Variants in MAMLD1 observed in about 807,000 individuals in gnomAD.
MAMLD1 encodes the protein mastermind-like domain-containing protein 1.
A neutral mutation model predicts 45.0 loss-of-function variants in MAMLD1; 14 were observed. The observed-to-expected ratio is 0.31, with a 90% CI of 0.21 to 0.49. MAMLD1 has a LOEUF of 0.49. MAMLD1 is among the 20% of genes least tolerant of loss of function. The pLI, the probability that MAMLD1 is intolerant of heterozygous loss-of-function variation, is 0.99. For missense variants in MAMLD1, 543 were observed against 603.6 expected, an observed-to-expected ratio of 0.90 and a Z score of 1.05; for synonymous variants, 254 against 247.8, an observed-to-expected ratio of 1.02 and a Z score of -0.24.
chrX:150,399,704 T>C (rs1280810737), intron 1 of MAMLD1, among the ~76,000 whole-genome samples: 1 of 111,080 alleles, frequency 9.0e-6, no homozygotes, highest in African/African-American at 3.3e-5. Flanking sequence ...GAGAGGGCAA[T>C]GGGGCATGGA....
chrX:150,510,093 A>G, intron 7 of MAMLD1, 47 bp downstream of exon 7: 1 of 876,971 alleles, frequency 1.1e-6, no homozygotes, highest in East Asian at 3.1e-5. Context: ...CAAGGGGTGC[A>G]TATGTGGAAG....
intron 3 of MAMLD1, among the ~76,000 whole-genome samples, chrX:150,467,660 T>G (rs1322495438): frequency 8.9e-6 from 1 of 112,582 alleles, no homozygotes; most frequent in African/African-American, 3.2e-5. Flanking sequence ...GCCCCTTCTG[T>G]GGGGGCGATG....
At chrX:150,455,345 G>C (rs782709095) in intron 2 of MAMLD1, among the ~76,000 whole-genome samples, 3 of 111,927 alleles carry the variant, frequency 2.7e-5, no homozygotes, top group Non-Finnish European at 5.6e-5. Flanking sequence ...GTTTACAAAA[G>C]TTAGCCTTTC....
At chrX:150,368,059 C>A (rs1299538295) in intron 1 of MAMLD1, among the ~76,000 whole-genome samples, 2 of 111,426 alleles carry the variant, frequency 1.8e-5, no homozygotes, top group Non-Finnish European at 3.8e-5. Flanking sequence ...ATTTATAATC[C>A]TTTGGGTATA....
At chrX:150,437,170 G>A (rs186408735) in intron 1 of MAMLD1, among the ~76,000 whole-genome samples, 197 of 111,160 alleles carry the variant, frequency 1.8e-3, no homozygotes, top group African/African-American at 6.2e-3. Context: ...GCACTCCATC[G>A]GACAGTAGCA....
intron 2 of MAMLD1, among the ~76,000 whole-genome samples, chrX:150,453,828 G>C (rs1557405188): frequency 2.7e-5 from 3 of 112,047 alleles, no homozygotes; most frequent in Non-Finnish European, 5.6e-5. Context: ...TCCTGCCTGG[G>C]ATGCTCTGCC....
rs1234545929 is a variant in MAMLD1 at position 150,368,915 on chromosome X, G to A, written c.-64+5385G>A. 9.8e-5 allele frequency among the ~76,000 whole-genome samples: 11 copies of A among 111,736 alleles called. No homozygotes were observed. The East Asian group carries it at 1.1e-3, about 11-fold the overall frequency. Reference sequence around the variant, plus strand: ...CTGAGGGCTCTGTTCTGTTCCATTGGTCTATATCTCTGCTTTGGTACCAGT... The same window carrying A: ...CTGAGGGCTCTGTTCTGTTCCATTGATCTATATCTCTGCTTTGGTACCAGT... On this transcript the variant is annotated intron_variant, in intron 1 of 7. Transcript: ENST00000370401.
At chrX:150,393,297 T>A in intron 1 of MAMLD1, among the ~76,000 whole-genome samples, 1 of 112,347 alleles carries the variant, frequency 8.9e-6, no homozygotes. Context: ...TTTTTAGTGC[T>A]GAATAATATT....
chrX:150,496,144 G>A (rs782512615), intron 5 of MAMLD1, among the ~76,000 whole-genome samples: 12 of 113,016 alleles, frequency 1.1e-4, no homozygotes, highest in Non-Finnish European at 1.5e-4. Flanking sequence ...CGAACATGAC[G>A]GTTAGTTGGA....
At chrX:150,468,978 A>AGTGTGTGTGT (rs67617988) in intron 3 of MAMLD1, among the ~76,000 whole-genome samples, 5,886 of 100,614 alleles carry the variant, frequency 0.059, 185 homozygotes, top group South Asian at 0.18. Context: ...AATGTGTGAG[A>AGTGTGTGTGT]GTGTGTGTGT....
At chrX:150,481,754 C>A (rs959793723) in intron 5 of MAMLD1, among the ~76,000 whole-genome samples, 1 of 106,550 alleles carries the variant, frequency 9.4e-6, no homozygotes, top group African/African-American at 3.4e-5. Flanking sequence ...TGCTTGAGAC[C>A]AGGAGGTTGA....
chrX:150,398,338 G>T (rs1369474016), intron 1 of MAMLD1, among the ~76,000 whole-genome samples: 1 of 67,496 alleles, frequency 1.5e-5, no homozygotes, highest in African/African-American at 5.4e-5. Flanking sequence ...AGAAGAAGAA[G>T]AAGAGGAAGA....
At chrX:150,499,019 C>T (rs1214972530) in intron 5 of MAMLD1, among the ~76,000 whole-genome samples, 1 of 112,055 alleles carries the variant, frequency 8.9e-6, no homozygotes, top group Non-Finnish European at 1.9e-5. Context: ...TTCCACATGT[C>T]TGCCTTCACC....
intron 1 of MAMLD1, among the ~76,000 whole-genome samples, chrX:150,366,564 G>C (rs1603197096): frequency 8.9e-6 from 1 of 112,415 alleles, no homozygotes; most frequent in African/African-American, 3.2e-5. Flanking sequence ...CTGCCGGACA[G>C]ACCAGCTGTT....
At chrX:150,361,682 T>G (rs1327219474), upstream of MAMLD1, 1 of 112,439 alleles carries the variant, frequency 8.9e-6, no homozygotes, top group Non-Finnish European at 1.9e-5. Flanking sequence ...GCAGCTGCCA[T>G]CGGCTGGAGA....
chrX:150,432,446 GT>G (rs782076660), intron 1 of MAMLD1, among the ~76,000 whole-genome samples: 3 of 111,295 alleles, frequency 2.7e-5, no homozygotes, highest in East Asian at 5.6e-4. Context: ...CAATTTTTGG[GT>G]TTTTTTGCAA....
intron 1 of MAMLD1, among the ~76,000 whole-genome samples, chrX:150,399,259 C>T (rs1180691116): frequency 9.0e-6 from 1 of 111,290 alleles, no homozygotes; most frequent in Non-Finnish European, 1.9e-5. Context: ...GGTTGAGAGG[C>T]AGAATTAACA....
At chrX:150,421,771 C>T (rs1297136721) in intron 1 of MAMLD1, among the ~76,000 whole-genome samples, 1 of 112,225 alleles carries the variant, frequency 8.9e-6, no homozygotes, top group Admixed American at 9.4e-5. Context: ...ATTAATGATT[C>T]AGGGCTTCAA....
intron 5 of MAMLD1, among the ~76,000 whole-genome samples, chrX:150,476,416 T>C (rs1207006444): frequency 1.8e-5 from 2 of 112,293 alleles, no homozygotes; most frequent in African/African-American, 6.5e-5. Context: ...GATCTTACAT[T>C]TACTCAAAGA....
Sources: gnomAD v4.1 joint callset for allele counts (sites outside exome capture counted in the v4.1 genomes callset) on GRCh38, gnomAD v4.1.1 for gene constraint, MANE v1.5 for transcripts, NCBI Gene and HGNC (gene_info 2026-07-23, HGNC 2026-07-21) for gene names.